The following SAMD3 variants were observed in gnomAD, a reference collection of about 807,000 sequenced individuals.
SAMD3 encodes the protein sterile alpha motif domain containing 3.
A neutral mutation model predicts 58.5 loss-of-function variants in SAMD3; 63 were observed. The ratio of observed to expected loss-of-function variants is 1.08; its 90% CI spans 0.88 to 1.33. SAMD3 has a LOEUF of 1.33. Among genes scored for constraint, SAMD3 ranks in the 40% most tolerant of loss-of-function variants. The pLI is 0.00. For missense variants in SAMD3, 604 were observed against 608.4 expected (o/e 0.99, Z 0.08); for synonymous variants, 220 against 210.3 (o/e 1.05, Z -0.40).
intron 8 of SAMD3, among the ~76,000 whole-genome samples, chr6:130,172,668 C>T (rs912131578): frequency 1.3e-5 from 2 of 152,108 alleles, no homozygotes; most frequent in Non-Finnish European, 2.9e-5. Context: ...CCTGGTGAGT[C>T]TGACAATCAT....
chr6:130,181,229 G>A (rs1562406508), intron 7 of SAMD3, among the ~76,000 whole-genome samples: 1 of 152,098 alleles, frequency 6.6e-6, no homozygotes, highest in Non-Finnish European at 1.5e-5. Flanking sequence ...TTATAGGCAT[G>A]AGCCACCGTA....
At chr6:130,234,056 G>T (rs1006167513) in intron 2 of SAMD3, among the ~76,000 whole-genome samples, 1 of 152,126 alleles carries the variant, frequency 6.6e-6, no homozygotes. Flanking sequence ...CCTCCATAGG[G>T]ATTTATCATT....
At chr6:130,210,444 C>A (rs1045165258) in intron 4 of SAMD3, among the ~76,000 whole-genome samples, 1 of 151,886 alleles carries the variant, frequency 6.6e-6, no homozygotes, top group African/African-American at 2.4e-5. Context: ...ACTGAAAACA[C>A]AAAAATTAGC....
chr6:130,332,815 A>G (rs929325422), intron 1 of SAMD3, among the ~76,000 whole-genome samples: 3 of 152,160 alleles, frequency 2.0e-5, no homozygotes, highest in Admixed American at 2.0e-4. Flanking sequence ...GTTTTATTGA[A>G]GGAGAGATAC....
At chr6:130,281,860 C>T (rs1004183759) in intron 2 of SAMD3, among the ~76,000 whole-genome samples, 11 of 151,122 alleles carry the variant, frequency 7.3e-5, no homozygotes, top group African/African-American at 2.7e-4. Flanking sequence ...TTGCAGTGAG[C>T]CGAGATCGTG....
chr6:130,247,139 T>C (rs972007350), intron 2 of SAMD3, among the ~76,000 whole-genome samples: 13 of 152,032 alleles, frequency 8.6e-5, no homozygotes, highest in African/African-American at 3.1e-4. Flanking sequence ...CTATTAAAGA[T>C]TATTGTTGTC....
At chr6:130,265,914 A>C (rs559255826) in intron 2 of SAMD3, among the ~76,000 whole-genome samples, 1 of 152,220 alleles carries the variant, frequency 6.6e-6, no homozygotes, top group Admixed American at 6.5e-5. Context: ...TCATAAATTA[A>C]GACTGTGTAA....
intron 2 of SAMD3, among the ~76,000 whole-genome samples, chr6:130,234,320 T>A (rs1796624370): frequency 6.6e-6 from 1 of 152,150 alleles, no homozygotes; most frequent in South Asian, 2.1e-4. Context: ...CAATTATTTA[T>A]TTTTATATAA....
chr6:130,297,527 G>A (rs1180135246), intron 2 of SAMD3, among the ~76,000 whole-genome samples: 1 of 152,098 alleles, frequency 6.6e-6, no homozygotes, highest in South Asian at 2.1e-4. Flanking sequence ...TCTAGCAATG[G>A]ATCCTAATCA....
chr6:130,142,935 A>T (rs1788351095), downstream of SAMD3: 1 of 152,264 alleles, frequency 6.6e-6, no homozygotes, highest in Non-Finnish European at 1.5e-5. Flanking sequence ...GTACATTCTA[A>T]TGAAAGGGAA....
intron 2 of SAMD3, among the ~76,000 whole-genome samples, chr6:130,233,681 C>T (rs985194816): frequency 2.0e-5 from 3 of 152,044 alleles, no homozygotes; most frequent in African/African-American, 7.2e-5. Flanking sequence ...AAATCAAAAC[C>T]CTGAAATAGA....
intron 7 of SAMD3, among the ~76,000 whole-genome samples, chr6:130,180,953 C>CTTTCTTTTTTTTTTT (rs56707260): frequency 1.4e-4 from 16 of 117,354 alleles, no homozygotes; most frequent in South Asian, 2.7e-4. Context: ...TTCTTTCTTT[C>CTTTCTTTTTTTTTTT]TTTTTTCTTT....
At chr6:130,284,079 C>T (rs1253556749) in intron 2 of SAMD3, among the ~76,000 whole-genome samples, 1 of 152,182 alleles carries the variant, frequency 6.6e-6, no homozygotes, top group African/African-American at 2.4e-5. Context: ...TCTTGAACTC[C>T]TGACTTCAAG....
chr6:130,190,365 A>G (rs1188882953), intron 5 of SAMD3, among the ~76,000 whole-genome samples: 1 of 152,138 alleles, frequency 6.6e-6, no homozygotes, highest in Non-Finnish European at 1.5e-5. Flanking sequence ...AAAGATAATC[A>G]TTAGAATGTG....
At chr6:130,148,481 TTTG>T (rs1479673595) in intron 9 of SAMD3, among the ~76,000 whole-genome samples, 4 of 152,170 alleles carry the variant, frequency 2.6e-5, no homozygotes, top group Non-Finnish European at 5.9e-5. Context: ...CTCGTCTTGG[TTTG>T]TTGTTGTTGT....
intron 2 of SAMD3, among the ~76,000 whole-genome samples, chr6:130,254,485 C>T (rs1038880574): frequency 5.9e-5 from 9 of 151,844 alleles, no homozygotes; most frequent in African/African-American, 2.2e-4. Flanking sequence ...CATGAGCCAC[C>T]GAGTCCTGCC....
At chr6:130,162,559 C>T (rs1363937562) in intron 8 of SAMD3, among the ~76,000 whole-genome samples, 4 of 152,132 alleles carry the variant, frequency 2.6e-5, no homozygotes, top group East Asian at 1.9e-4. Flanking sequence ...CCAAGCTTGT[C>T]GTGAACTCCT....
intron 2 of SAMD3, among the ~76,000 whole-genome samples, chr6:130,301,196 C>T (rs1431616476): frequency 1.3e-5 from 2 of 152,126 alleles, no homozygotes. Context: ...ATATGTGCCA[C>T]ATTTTCTTAA....
At chr6:130,313,401 G>A (rs1174482885) in intron 1 of SAMD3, among the ~76,000 whole-genome samples, 1 of 152,140 alleles carries the variant, frequency 6.6e-6, no homozygotes, top group Non-Finnish European at 1.5e-5. Context: ...AAACAAACAT[G>A]TTTTGAGACA....
Sources: gnomAD v4.1 joint callset for allele counts (sites outside exome capture counted in the v4.1 genomes callset) on GRCh38, gnomAD v4.1.1 for gene constraint, MANE v1.5 for transcripts, NCBI Gene and HGNC (gene_info 2026-07-23, HGNC 2026-07-21) for gene names.